The following DNAH14 variants were observed in gnomAD, a reference collection of about 807,000 sequenced individuals.
DNAH14 encodes axonemal beta dynein heavy chain 14.
DNAH14 carries 478 observed loss-of-function variants against 520.9 expected under a neutral mutation model. That is an observed-to-expected ratio of 0.92 (90% CI 0.85 to 0.99). The LOEUF (loss-of-function observed/expected upper bound fraction) is 0.99. DNAH14 is among the 50% of genes least tolerant of loss of function. DNAH14 has a pLI of 0.00. For synonymous variants in DNAH14, 1,581 were observed against 1,757.2 expected, an observed-to-expected ratio of 0.90 and a Z score of 2.51; for missense variants, 4,831 against 5,234.5, an observed-to-expected ratio of 0.92 and a Z score of 2.38.
chr1:225,245,763 A>T (rs1049968709), intron 43 of DNAH14, among the ~76,000 whole-genome samples: 1 of 152,168 alleles, frequency 6.6e-6, no homozygotes, highest in Non-Finnish European at 1.5e-5. Context: ...GCTCATGGAT[A>T]GGAAGAATCA....
At chr1:225,081,173 CAA>C (rs947259306) in intron 19 of DNAH14, among the ~76,000 whole-genome samples, 68 of 152,214 alleles carry the variant, frequency 4.5e-4, no homozygotes, top group African/African-American at 1.6e-3. Flanking sequence ...CTTGCCAATG[CAA>C]AGATACTGTT....
At position 225,111,525 on chromosome 1, in the gene DNAH14, A is replaced by G. The variant is rs188575533; in HGVS notation, c.3868-6159A>G. 7.9e-5 allele frequency among the ~76,000 whole-genome samples: 12 copies of G among 151,852 alleles called. No homozygotes were observed. The East Asian group carries it at 2.3e-3, about 29-fold the overall frequency. ...TTAGTTTCAGTCTATGTGTGCCTTT[A>G]TAGGTGAAGTGTGTTTCTTATTGGG... On this transcript the variant is annotated intron_variant, in intron 23 of 85. Coordinates refer to ENST00000682510, the MANE Select transcript of DNAH14 (RefSeq NM_001367479.1).
chr1:224,962,868 G>A (rs1009516286), intron 4 of DNAH14, among the ~76,000 whole-genome samples: 6 of 152,172 alleles, frequency 3.9e-5, no homozygotes, highest in Middle Eastern at 3.4e-3. Flanking sequence ...GTCTTTGTCA[G>A]ATCTGTTGAA....
intron 66 of DNAH14, among the ~76,000 whole-genome samples, chr1:225,335,621 GCATATATA>G (rs2094968008): frequency 5.1e-5 from 4 of 79,134 alleles, no homozygotes; most frequent in Non-Finnish European, 7.6e-5. Context: ...GTGTATATAC[GCATATATA>G]CATATGTGCA....
intron 26 of DNAH14, among the ~76,000 whole-genome samples, chr1:225,120,402 G>C (rs2077193050): frequency 6.6e-6 from 1 of 152,176 alleles, no homozygotes. Flanking sequence ...GGGAGGTTCA[G>C]ACTTGCAGCA....
At chr1:225,324,381 A>G (rs12032942) in intron 63 of DNAH14, 28 bp downstream of exon 63, 259,474 of 1,544,572 alleles carry the variant, frequency 0.17, 23,313 homozygotes, top group South Asian at 0.25. Flanking sequence ...AACATCTGTC[A>G]TGATTTGGAA....
intron 7 of DNAH14, among the ~76,000 whole-genome samples, chr1:224,972,492 G>C (rs1314136565): frequency 6.7e-6 from 1 of 148,976 alleles, no homozygotes; most frequent in Non-Finnish European, 1.5e-5. Flanking sequence ...TTGAGATGGA[G>C]TCTTGCTCTG....
chr1:225,243,966 GAT>G (rs1472536611), intron 43 of DNAH14, among the ~76,000 whole-genome samples: 1 of 152,068 alleles, frequency 6.6e-6, no homozygotes, highest in African/African-American at 2.4e-5. Flanking sequence ...CAGTCAGTAT[GAT>G]ATTGGCTATG....
At chr1:225,233,524 G>T (rs573876174) in intron 42 of DNAH14, among the ~76,000 whole-genome samples, 1 of 152,062 alleles carries the variant, frequency 6.6e-6, no homozygotes, top group East Asian at 1.9e-4. Context: ...ATGGTAGCTC[G>T]TTGTGGTTTT....
chr1:225,130,184 G>T (rs1195372031), intron 27 of DNAH14, among the ~76,000 whole-genome samples: 1 of 152,184 alleles, frequency 6.6e-6, no homozygotes, highest in Non-Finnish European at 1.5e-5. Context: ...TGCTAGAGAG[G>T]ATGTGGAGAA....
chr1:224,969,582 A>G (rs1402016395), intron 7 of DNAH14: 9 of 221,736 alleles, frequency 4.1e-5, no homozygotes, highest in Non-Finnish European at 4.4e-5. Flanking sequence ...TCATTTTCAC[A>G]TTGAGTAGGC....
intron 21 of DNAH14, 40 bp downstream of exon 21, chr1:225,085,829 T>C (rs984584444): frequency 4.7e-6 from 7 of 1,475,300 alleles, no homozygotes; most frequent in African/African-American, 1.4e-5. Flanking sequence ...TCTTTTTCTG[T>C]AGTTTTATTT....
intron 60 of DNAH14, among the ~76,000 whole-genome samples, chr1:225,309,186 A>AAG (rs759975263): frequency 3.3e-5 from 5 of 152,320 alleles, no homozygotes; most frequent in Non-Finnish European, 7.3e-5. Context: ...CTCTTGTCAT[A>AAG]CCTAATTAGC....
Position 225,389,718 on chromosome 1 carries a change from G to A in DNAH14, c.13191-16G>A. The A allele has an allele frequency of 1.3e-6, 2 of 1,551,816 alleles. No homozygotes were observed. The highest frequency in any genetic ancestry group is 1.7e-6 in the Non-Finnish European group (2 of 1,146,862). On this transcript the variant is annotated splice_polypyrimidine_tract_variant and intron_variant, in intron 82 of 85. Coordinates refer to ENST00000682510, the MANE Select transcript of DNAH14 (RefSeq NM_001367479.1). Reference sequence around the variant, plus strand: ...TTATGCCCTTAACCCCCAACCTGTGGTCTGCCTTCCACTAGGTATATGAGA... The same window carrying A: ...TTATGCCCTTAACCCCCAACCTGTGATCTGCCTTCCACTAGGTATATGAGA...
intron 28 of DNAH14, among the ~76,000 whole-genome samples, chr1:225,143,435 T>G (rs1215128251): frequency 6.6e-6 from 1 of 152,166 alleles, no homozygotes; most frequent in Non-Finnish European, 1.5e-5. Context: ...TTTTTAAAAT[T>G]TACTCACTTT....
At chr1:225,083,509 A>G (rs905506754) in intron 20 of DNAH14, among the ~76,000 whole-genome samples, 1 of 152,138 alleles carries the variant, frequency 6.6e-6, no homozygotes. Context: ...CTCCTATTCA[A>G]TATCTCTACT....
chr1:225,366,759 A>G (rs2150596403), intron 76 of DNAH14, among the ~76,000 whole-genome samples: 1 of 152,172 alleles, frequency 6.6e-6, no homozygotes, highest in African/African-American at 2.4e-5. Flanking sequence ...TAAAACTTAG[A>G]GCCATTTGCT....
At chr1:225,280,328 G>A (rs181663918) in intron 54 of DNAH14, among the ~76,000 whole-genome samples, 8 of 152,118 alleles carry the variant, frequency 5.3e-5, no homozygotes, top group Non-Finnish European at 4.4e-5. Flanking sequence ...AGCTGGGTGC[G>A]GTGGCTTACA....
Position 225,335,336 on chromosome 1 carries a change from T to C in DNAH14, c.10080+1830T>C, listed in dbSNP as rs1400668146. Among the ~76,000 whole-genome samples, 2 of 98,814 alleles carry C rather than the reference T, an allele frequency of 2.0e-5. 1 individual carries two copies. The highest frequency in any genetic ancestry group is 2.1e-4 in the Admixed American group (2 of 9,658). The allele number at this position is 98,814 out of a possible 152,430, so 64.8% of individuals were successfully genotyped here. A position where few individuals can be genotyped will look rare whatever the true frequency, so the allele number is the denominator to read the frequency against. ...GTGTATATGCACATATACACGTGTG[T>C]ACATGTGTGTGTATATGCATATACA... On this transcript the variant is annotated intron_variant, in intron 66 of 85. Transcript: ENST00000682510.
Sources: allele counts gnomAD v4.1 joint callset (sites outside exome capture counted in the v4.1 genomes callset), GRCh38; gene constraint gnomAD v4.1.1; transcripts MANE v1.5; gene names NCBI Gene and HGNC (gene_info 2026-07-23, HGNC 2026-07-21).